MTHFD2L: variants seen among roughly 807,000 people sequenced by gnomAD.
MTHFD2L encodes the protein bifunctional methylenetetrahydrofolate dehydrogenase/cyclohydrolase 2, mitochondrial.
In MTHFD2L, 29 loss-of-function variants were observed where a neutral mutation model predicts 34.9. The observed-to-expected ratio is 0.83, with a 90% confidence interval of 0.62 to 1.13. The LOEUF is 1.13. MTHFD2L is among the 50% of genes most tolerant of loss of function. MTHFD2L has a pLI of 0.00. For missense variants in MTHFD2L, 481 were observed against 446.5 expected (o/e 1.08, Z -0.70); for synonymous variants, 167 against 155.7 (o/e 1.07, Z -0.54).
At chr4:74,177,250 T>A (rs1410564614) in intron 3 of MTHFD2L, among the ~76,000 whole-genome samples, 1 of 151,988 alleles carries the variant, frequency 6.6e-6, no homozygotes. Flanking sequence ...ATCACAAATC[T>A]GTCCAAAAAA....
chr4:74,167,083 G>A (rs1041157201), intron 1 of MTHFD2L, among the ~76,000 whole-genome samples: 1 of 152,222 alleles, frequency 6.6e-6, no homozygotes. Context: ...TGCAGACCAA[G>A]GCTCCAGGAC....
chr4:74,241,089 G>A (rs1578584106), intron 6 of MTHFD2L, among the ~76,000 whole-genome samples: 1 of 152,152 alleles, frequency 6.6e-6, no homozygotes, highest in East Asian at 1.9e-4. Context: ...AAGTCATCTA[G>A]TTCTTAATTA....
At chr4:74,185,230 C>A (rs1730982592) in intron 3 of MTHFD2L, among the ~76,000 whole-genome samples, 1 of 145,108 alleles carries the variant, frequency 6.9e-6, no homozygotes, top group Non-Finnish European at 1.5e-5. Flanking sequence ...CTCTAAATAA[C>A]CCCTGTGTCA....
At chr4:74,252,155 T>G (rs1743402905) in intron 6 of MTHFD2L, among the ~76,000 whole-genome samples, 1 of 152,240 alleles carries the variant, frequency 6.6e-6, no homozygotes, top group Non-Finnish European at 1.5e-5. Flanking sequence ...CCTTCTGCCA[T>G]ATAGCTTGCG....
intron 6 of MTHFD2L, among the ~76,000 whole-genome samples, chr4:74,239,444 A>G (rs2110164757): frequency 6.6e-6 from 1 of 152,228 alleles, no homozygotes; most frequent in South Asian, 2.1e-4. Flanking sequence ...CTATGTAACA[A>G]ACCTGCATAT....
chr4:74,234,128 A>G (rs568783824), intron 6 of MTHFD2L, among the ~76,000 whole-genome samples: 12 of 152,076 alleles, frequency 7.9e-5, no homozygotes, highest in Non-Finnish European at 1.5e-4. Flanking sequence ...GGGTCCATGC[A>G]TGTATATCAT....
intron 6 of MTHFD2L, among the ~76,000 whole-genome samples, chr4:74,237,317 C>A (rs1740993912): frequency 6.6e-6 from 1 of 152,104 alleles, no homozygotes; most frequent in Admixed American, 6.6e-5. Flanking sequence ...GACTAGAAAA[C>A]TCCCTGTTCA....
chr4:74,116,482 A>T (rs1189170626), intron 2 of MTHFD2L, among the ~76,000 whole-genome samples: 2 of 152,160 alleles, frequency 1.3e-5, no homozygotes, highest in East Asian at 1.9e-4. Flanking sequence ...TAAATATATG[A>T]CTTCACAGCA....
At position 74,175,381 on chromosome 4, in the gene MTHFD2L, A is replaced by G. The variant is rs1307952238; in HGVS notation, c.429A>G (p.Ile143Met). The G allele has an allele frequency of 1.9e-6, 3 of 1,612,106 alleles. No individual in the cohort carries two copies. In the Admixed American group the frequency reaches 5.0e-5, roughly 27 times the overall value. ...QLNMDPRVSG[I>M]LVQLPLPDHV... Reference sequence around the variant, plus strand: ...ATATGGACCCAAGAGTCAGCGGTATATTAGTTCAGTTACCACTACCAGGTA... The same window carrying G: ...ATATGGACCCAAGAGTCAGCGGTATGTTAGTTCAGTTACCACTACCAGGTA... The change falls in exon 3 of 8, where the codon ATA (isoleucine) becomes ATG (methionine). Residue 143 changes from isoleucine (I) to methionine (M), a missense_variant. By Grantham distance (10) the Ile-to-Met change is conservative (BLOSUM62 1). Coordinates refer to ENST00000325278, the MANE Select transcript of MTHFD2L (RefSeq NM_001144978.3).
intron 3 of MTHFD2L, chr4:74,195,623 G>A (rs1450641148): frequency 6.6e-6 from 1 of 152,186 alleles, no homozygotes; most frequent in East Asian, 1.9e-4. Flanking sequence ...GAAAATCTGA[G>A]ACAAATGTCA....
chr4:74,204,488 G>C (rs1407673673), intron 5 of MTHFD2L, among the ~76,000 whole-genome samples: 1 of 151,930 alleles, frequency 6.6e-6, no homozygotes, highest in African/African-American at 2.4e-5. Flanking sequence ...TTTTCTTCTG[G>C]TGGATTTTGT....
In MTHFD2L at chr4:74,192,310, A is replaced by G. The variant is rs562370360; in HGVS notation, c.452-7484A>G. 2.0e-5 allele frequency among the ~76,000 whole-genome samples: 3 copies of G among 152,272 alleles called. No individual in the cohort carries two copies. In the South Asian group the frequency reaches 6.2e-4, roughly 32 times the overall value. ...ACAGGAAAACTAAAAGACTGGTACA[A>G]TGAACACTCATATGCCTTCAAACTA... is the stretch of plus-strand genomic sequence containing the variant. On this transcript the variant is annotated intron_variant, in intron 3 of 7. Coordinates refer to ENST00000325278, the MANE Select transcript of MTHFD2L (RefSeq NM_001144978.3).
chr4:74,147,750 C>T (rs1031469303), intron 1 of MTHFD2L, among the ~76,000 whole-genome samples: 1 of 152,150 alleles, frequency 6.6e-6, no homozygotes, highest in African/African-American at 2.4e-5. Context: ...TAACATTGCG[C>T]TTTGGATTTG....
intron 6 of MTHFD2L, among the ~76,000 whole-genome samples, chr4:74,253,721 A>G (rs1408931767): frequency 6.6e-6 from 1 of 152,066 alleles, no homozygotes. Context: ...CACAGGTTTC[A>G]TGCCCACCGC....
chr4:74,286,404 T>G (rs1426221646), intron 7 of MTHFD2L, among the ~76,000 whole-genome samples: 2 of 152,196 alleles, frequency 1.3e-5, no homozygotes, highest in Non-Finnish European at 2.9e-5. Context: ...TAAACCATTT[T>G]CTATTGTAGC....
intron 6 of MTHFD2L, chr4:74,242,217 AC>A (rs1741830144): frequency 6.6e-6 from 1 of 152,186 alleles, no homozygotes; most frequent in African/African-American, 2.4e-5. Flanking sequence ...AAAACAGACT[AC>A]AAAAATGGTC....
At chr4:74,194,928 GC>G in intron 3 of MTHFD2L, 1 of 152,202 alleles carries the variant, frequency 6.6e-6, no homozygotes, top group East Asian at 1.9e-4. Flanking sequence ...CTGGGGGGCT[GC>G]CCAATTCGTT....
intron 6 of MTHFD2L, among the ~76,000 whole-genome samples, chr4:74,248,994 G>C (rs1008066426): frequency 3.4e-4 from 52 of 152,232 alleles, no homozygotes; most frequent in African/African-American, 1.2e-3. Flanking sequence ...ATGTGTATTA[G>C]GTCTGCTTGG....
intron 3 of MTHFD2L, among the ~76,000 whole-genome samples, chr4:74,187,463 A>C (rs368584342): frequency 3.3e-5 from 5 of 152,348 alleles, no homozygotes; most frequent in African/African-American, 1.2e-4. Context: ...GTATTTGAAC[A>C]GACACTTCAA....
Sources: gnomAD v4.1 joint callset for allele counts (sites outside exome capture counted in the v4.1 genomes callset) on GRCh38, gnomAD v4.1.1 for gene constraint, MANE v1.5 for transcripts, NCBI Gene and HGNC (gene_info 2026-07-23, HGNC 2026-07-21) for gene names.